STK3: variants seen among roughly 807,000 people sequenced by gnomAD.
STK3 encodes the protein serine/threonine-protein kinase 3.
A neutral mutation model predicts 58.0 loss-of-function variants in STK3; 41 were observed. The observed-to-expected ratio is 0.71, with a 90% CI of 0.55 to 0.92. The LOEUF (loss-of-function observed/expected upper bound fraction) is 0.92. STK3 is among the 40% of genes least tolerant of loss of function. The pLI is 0.00. For missense variants in STK3, 479 were observed against 602.7 expected, an observed-to-expected ratio of 0.79 and a Z score of 2.15; for synonymous variants, 170 against 191.0, an observed-to-expected ratio of 0.89 and a Z score of 0.91.
chr8:98,544,648 T>A (rs535650706), intron 9 of STK3, among the ~76,000 whole-genome samples: 1 of 95,582 alleles, frequency 1.0e-5, no homozygotes, highest in African/African-American at 4.6e-5. Flanking sequence ...AATTCTACTA[T>A]AACACACACA....
chr8:98,490,370 T>G (rs908120545), intron 10 of STK3, among the ~76,000 whole-genome samples: 1 of 152,228 alleles, frequency 6.6e-6, no homozygotes, highest in African/African-American at 2.4e-5. Flanking sequence ...TTGCAATATT[T>G]AAACTTCATT....
chr8:98,868,735 G>A (rs746569912), intron 3 of STK3, among the ~76,000 whole-genome samples: 4 of 152,048 alleles, frequency 2.6e-5, no homozygotes, highest in Non-Finnish European at 4.4e-5. Context: ...TTAGGAGGCC[G>A]ACGCCGGCGG....
intron 3 of STK3, among the ~76,000 whole-genome samples, chr8:98,764,544 C>T (rs959473285): frequency 1.3e-5 from 2 of 152,182 alleles, no homozygotes; most frequent in African/African-American, 2.4e-5. Flanking sequence ...CTCAGCCTTG[C>T]TAAAAGACTA....
In STK3 at chr8:98,567,888, T is replaced by C. The variant is rs186208701; in HGVS notation, c.948+11776A>G. 3.1e-3 allele frequency among the ~76,000 whole-genome samples: 466 copies of C among 152,080 alleles called. 1 individual carries two copies. The highest frequency in any genetic ancestry group is 0.011 in the African/African-American group (445 of 41,516). The stretch of plus-strand genomic sequence containing the variant: ...GTCTGGCCAACATGGTGAAACTCTG[T>C]CACTACTAAGAGTACAAAAATTACC... On this transcript the variant is annotated intron_variant, in intron 8 of 10. Coordinates refer to ENST00000419617, the MANE Select transcript of STK3 (RefSeq NM_006281.4).
intron 8 of STK3, among the ~76,000 whole-genome samples, chr8:98,576,605 C>T (rs769796066): frequency 2.4e-4 from 36 of 152,146 alleles, no homozygotes; most frequent in South Asian, 4.1e-4. Flanking sequence ...TTTAACTCCA[C>T]GGTTAAATTT....
intron 1 of STK3, among the ~76,000 whole-genome samples, chr8:98,893,468 A>AAGAGAGAGAGAGAG (rs1329716577): frequency 1.0e-5 from 1 of 97,848 alleles, no homozygotes; most frequent in African/African-American, 5.2e-5. Context: ...GAAAGAAAGA[A>AAGAGAGAGAGAGAG]AGAAAGAAAG....
At chr8:98,355,100 T>C in the STK3 span, among the ~76,000 whole-genome samples, 1 of 152,188 alleles carries the variant, frequency 6.6e-6, no homozygotes, top group African/African-American at 2.4e-5. Context: ...AGTATTTCAA[T>C]AGGAATCTTC....
chr8:98,663,334 C>T (rs550828290), intron 6 of STK3, among the ~76,000 whole-genome samples: 2 of 152,272 alleles, frequency 1.3e-5, no homozygotes, highest in South Asian at 4.1e-4. Flanking sequence ...CCATCTCACA[C>T]CAGTTAGAAT....
chr8:98,467,328 A>AT (rs2131202899), intron 10 of STK3, among the ~76,000 whole-genome samples: 1 of 152,242 alleles, frequency 6.6e-6, no homozygotes, highest in Admixed American at 6.5e-5. Flanking sequence ...TGCTTGAAAC[A>AT]TAGTAGGTGC....
At chr8:98,589,513 G>A (rs1156363101) in intron 7 of STK3, among the ~76,000 whole-genome samples, 1 of 152,262 alleles carries the variant, frequency 6.6e-6, no homozygotes, top group East Asian at 1.9e-4. Flanking sequence ...CTGTCAGACA[G>A]GGACATTTAA....
chr8:98,759,185 C>T (rs778617086), intron 3 of STK3, among the ~76,000 whole-genome samples: 8 of 152,242 alleles, frequency 5.3e-5, no homozygotes, highest in Non-Finnish European at 1.2e-4. Context: ...CGGCTTTCAA[C>T]CTGTCTTCCT....
intron 4 of STK3, among the ~76,000 whole-genome samples, chr8:98,713,154 T>G (rs1826662789): frequency 6.6e-6 from 1 of 152,262 alleles, no homozygotes; most frequent in African/African-American, 2.4e-5. Context: ...GGGAAATTTA[T>G]AGCACTAAAT....
At chr8:98,393,957 A>G (rs974273552) in intron 3 of STK3, among the ~76,000 whole-genome samples, 1 of 152,222 alleles carries the variant, frequency 6.6e-6, no homozygotes, top group Non-Finnish European at 1.5e-5. Flanking sequence ...GCCACTGTAG[A>G]GGCTGAAGCA....
At chr8:98,697,353 T>C (rs1016749862) in intron 6 of STK3, among the ~76,000 whole-genome samples, 6 of 152,218 alleles carry the variant, frequency 3.9e-5, no homozygotes, top group Non-Finnish European at 7.3e-5. Context: ...GTGTCTCTAT[T>C]TCCTTCAGTT....
chr8:98,493,057 CCAACT>C (rs1269453367), intron 10 of STK3, among the ~76,000 whole-genome samples: 2 of 151,478 alleles, frequency 1.3e-5, no homozygotes, highest in African/African-American at 4.9e-5. Context: ...ATAGTGAGAC[CCAACT>C]CTACATTTTT....
intron 6 of STK3, among the ~76,000 whole-genome samples, chr8:98,687,288 G>A (rs532971340): frequency 4.6e-5 from 7 of 152,302 alleles, no homozygotes; most frequent in Admixed American, 6.5e-5. Context: ...GGGTGGTTTA[G>A]GGATGAAACT....
intron 1 of STK3, among the ~76,000 whole-genome samples, chr8:98,801,952 G>A (rs1833582427): frequency 1.3e-5 from 2 of 152,166 alleles, no homozygotes; most frequent in Non-Finnish European, 2.9e-5. Context: ...TGAAATGACT[G>A]CTTGAGGCCA....
Position 98,483,964 on chromosome 8 carries a change from C to T in STK3, c.1318-27964G>A, listed in dbSNP as rs1002279225. On this transcript the variant is annotated intron_variant, in intron 10 of 10. Transcript: ENST00000419617. ...CTCCAAAAAGCTAAGAGTGCCACCTCTGTTCAGTGAAAATTAAGTCAGTTT... is the reference window on the plus strand; with the variant it reads ...CTCCAAAAAGCTAAGAGTGCCACCTTTGTTCAGTGAAAATTAAGTCAGTTT... Among the ~76,000 whole-genome samples the T allele has an allele frequency of 5.9e-5, 9 of 152,240 alleles. No individual in the cohort carries two copies. In the Middle Eastern group the frequency reaches 0.014, roughly 232 times the overall value.
At chr8:98,691,919 A>C (rs1222925751) in intron 6 of STK3, among the ~76,000 whole-genome samples, 1 of 146,532 alleles carries the variant, frequency 6.8e-6, no homozygotes, top group East Asian at 2.1e-4. Flanking sequence ...GTGACAGAGC[A>C]AAACTCCGCC....
Sources: gnomAD v4.1 joint callset for allele counts (sites outside exome capture counted in the v4.1 genomes callset) on GRCh38, gnomAD v4.1.1 for gene constraint, MANE v1.5 for transcripts, NCBI Gene and HGNC (gene_info 2026-07-23, HGNC 2026-07-21) for gene names.